The following SMARCA2 variants were observed in gnomAD, a reference collection of about 807,000 sequenced individuals.
The protein encoded by SMARCA2 is SWI/SNF-related matrix-associated actin-dependent regulator of chromatin subfamily A member 2.
A neutral mutation model predicts 199.8 loss-of-function variants in SMARCA2; 61 were observed. That is an observed-to-expected ratio of 0.31 (90% confidence interval 0.25 to 0.38). The LOEUF (loss-of-function observed/expected upper bound fraction) is 0.38. Ranked by LOEUF, SMARCA2 falls within the 10% of genes least tolerant of loss-of-function variation. SMARCA2 has a pLI of 1.00. For missense variants in SMARCA2, 1,344 were observed against 2,012.2 expected, an observed-to-expected ratio of 0.67 and a Z score of 6.35; for synonymous variants, 935 against 732.0, an observed-to-expected ratio of 1.28 and a Z score of -4.48.
chr9:2,187,662 A>G (rs923431567), intron 32 of SMARCA2, among the ~76,000 whole-genome samples: 12 of 152,122 alleles, frequency 7.9e-5, no homozygotes, highest in African/African-American at 2.9e-4. Flanking sequence ...GGGCAACAGA[A>G]CAAAACTCTA....
chr9:2,039,990 G>A lies in SMARCA2; in HGVS notation c.790+90G>A, dbSNP rs901873161. On this transcript the variant is annotated intron_variant, in intron 4 of 33. Coordinates refer to ENST00000349721, the MANE Select transcript of SMARCA2 (RefSeq NM_003070.5). The surrounding 1 kb of genome is among the most constrained non-coding windows in gnomAD (Gnocchi z 4.8). ...CAAAACACCGGGTTGTTAAAAGCCC[G>A]GGGCTGACGTAGCCTTTTGTTATAC... 20 of 1,559,304 alleles carry A rather than the reference G, an allele frequency of 1.3e-5. No individual in the cohort carries two copies. The highest frequency in any genetic ancestry group is 1.7e-4 in the Middle Eastern group (1 of 5,844).
At chr9:2,045,974 T>G (rs1819825401) in intron 4 of SMARCA2, 1 of 152,246 alleles carries the variant, frequency 6.6e-6, no homozygotes, top group Admixed American at 6.5e-5. Flanking sequence ...AGCCCATTTC[T>G]AATTGGTGAT....
At chr9:2,066,583 T>G (rs1370405156) in intron 9 of SMARCA2, among the ~76,000 whole-genome samples, 1 of 152,222 alleles carries the variant, frequency 6.6e-6, no homozygotes, top group Non-Finnish European at 1.5e-5. Flanking sequence ...CTTACATGAT[T>G]AGGTTAATTA....
At chr9:2,163,903 G>A (rs754938239) in intron 28 of SMARCA2, among the ~76,000 whole-genome samples, 1 of 151,988 alleles carries the variant, frequency 6.6e-6, no homozygotes. Context: ...TTTTTTTTGA[G>A]GGGTGGGGGT....
intron 19 of SMARCA2, among the ~76,000 whole-genome samples, chr9:2,095,276 G>C (rs1054459697): frequency 1.3e-5 from 2 of 151,968 alleles, no homozygotes; most frequent in Admixed American, 1.3e-4. Flanking sequence ...AGTAGAGCTG[G>C]GGTTTCATTA....
intron 28 of SMARCA2, among the ~76,000 whole-genome samples, chr9:2,166,858 A>G (rs1437604415): frequency 6.6e-6 from 1 of 152,196 alleles, no homozygotes; most frequent in Non-Finnish European, 1.5e-5. Flanking sequence ...GGCTAAAACC[A>G]TGATACACCA....
chr9:2,167,254 T>C (rs542858209), intron 28 of SMARCA2, among the ~76,000 whole-genome samples: 47 of 152,344 alleles, frequency 3.1e-4, no homozygotes, highest in Non-Finnish European at 6.0e-4. Flanking sequence ...ATCAACTCTC[T>C]TATCAGGAGC....
rs1283262383 is a variant in SMARCA2 at position 2,119,753 on chromosome 9, TA to T, written c.3762+224del. ...TAAAATTTCCCATTCATTGCCAACA[TA>T]AAAAAGAATCCTGATTTCTGGCTTC... is the stretch of plus-strand genomic sequence containing the variant. On this transcript the variant is annotated intron_variant, in intron 26 of 33. Coordinates refer to ENST00000349721, the MANE Select transcript of SMARCA2 (RefSeq NM_003070.5). The surrounding 1 kb of genome is among the most constrained non-coding windows in gnomAD (Gnocchi z 4.6). Among the ~76,000 whole-genome samples the T allele has an allele frequency of 1.3e-5, 2 of 152,162 alleles. No homozygotes were observed. Among genetic ancestry groups the T allele is most frequent in the Non-Finnish European group, 2.9e-5 (2 of 68,020 alleles).
At chr9:2,032,874 A>AG in intron 2 of SMARCA2, 78 bp from the exon 3 acceptor site, 1 of 1,356,954 alleles carries the variant, frequency 7.4e-7, no homozygotes, top group African/African-American at 1.5e-5. Flanking sequence ...TAAAGAACTT[A>AG]GGAAGGGGTC....
At chr9:2,080,520 A>G (rs1228657515) in intron 14 of SMARCA2, among the ~76,000 whole-genome samples, 1 of 152,226 alleles carries the variant, frequency 6.6e-6, no homozygotes, top group Non-Finnish European at 1.5e-5. Flanking sequence ...CTAAAGCTCT[A>G]GTGGTTTCAG....
intron 29 of SMARCA2, among the ~76,000 whole-genome samples, chr9:2,179,512 T>C (rs1232197000): frequency 1.3e-5 from 2 of 152,246 alleles, no homozygotes; most frequent in African/African-American, 4.8e-5. Flanking sequence ...CTCTTCTTTA[T>C]GAGCATAGAG....
chr9:2,138,715 G>A (rs1224670571), intron 27 of SMARCA2, among the ~76,000 whole-genome samples: 1 of 152,138 alleles, frequency 6.6e-6, no homozygotes, highest in Non-Finnish European at 1.5e-5. Context: ...CAGAGCTTCA[G>A]TTTCCCTGTC....
chr9:2,061,678 G>A (rs1820598217), intron 9 of SMARCA2, among the ~76,000 whole-genome samples: 1 of 152,172 alleles, frequency 6.6e-6, no homozygotes, highest in Admixed American at 6.5e-5. Flanking sequence ...GTTAGTGGTT[G>A]ATACTGTGTG....
At chr9:2,055,634 G>A (rs867649885) in intron 6 of SMARCA2, 1 of 152,226 alleles carries the variant, frequency 6.6e-6, no homozygotes, top group Non-Finnish European at 1.5e-5. Context: ...GAATTTGGGT[G>A]TATATTTGCC....
At chr9:2,101,509 T>C in intron 21 of SMARCA2, 61 bp from the exon 22 acceptor site, 1 of 868,254 alleles carries the variant, frequency 1.2e-6, no homozygotes, top group Non-Finnish European at 1.8e-6. Flanking sequence ...ACTAAAAGAG[T>C]AATCATTAAG....
chr9:2,174,756 A>C (rs577776518), intron 29 of SMARCA2, among the ~76,000 whole-genome samples: 38 of 151,850 alleles, frequency 2.5e-4, no homozygotes, highest in African/African-American at 8.9e-4. Flanking sequence ...GCCTGTCTCT[A>C]CAAAAATGCA....
At chr9:2,190,632 C>A (rs190262864) in intron 32 of SMARCA2, among the ~76,000 whole-genome samples, 1 of 119,552 alleles carries the variant, frequency 8.4e-6, no homozygotes, top group Admixed American at 8.7e-5. Context: ...TGTAGAATCA[C>A]ACACACACAC....
intron 22 of SMARCA2, among the ~76,000 whole-genome samples, chr9:2,102,468 C>G (rs577867022): frequency 1.1e-3 from 164 of 152,276 alleles, no homozygotes; most frequent in African/African-American, 3.6e-3. Flanking sequence ...TTAGAAATAA[C>G]ATATCCTGTG....
chr9:2,111,491 CAAAA>C (rs148112929), intron 24 of SMARCA2, among the ~76,000 whole-genome samples: 3,921 of 86,934 alleles, frequency 0.045, 199 homozygotes, highest in African/African-American at 0.13. Flanking sequence ...GACCGTGTCT[CAAAA>C]AAAAAAAAAA....
Sources: gnomAD v4.1 joint callset for allele counts (sites outside exome capture counted in the v4.1 genomes callset) on GRCh38, gnomAD v4.1.1 for gene constraint, Gnocchi (gnomAD v3.1) non-coding constraint, MANE v1.5 for transcripts, NCBI Gene and HGNC (gene_info 2026-07-23, HGNC 2026-07-21) for gene names.